Variants in STAT4 observed in about 807,000 individuals in gnomAD.
The protein encoded by STAT4 is signal transducer and activator of transcription 4.
Under a neutral mutation model 110.5 loss-of-function variants are expected in STAT4, and 42 were observed. The ratio of observed to expected loss-of-function variants is 0.38; its 90% confidence interval spans 0.30 to 0.49. STAT4 has a LOEUF of 0.49. Ranked by LOEUF, STAT4 falls within the 20% of genes least tolerant of loss-of-function variation. The pLI is 0.95. For missense variants in STAT4, 632 were observed against 887.9 expected, an observed-to-expected ratio of 0.71 and a Z score of 3.66; for synonymous variants, 284 against 302.2, an observed-to-expected ratio of 0.94 and a Z score of 0.63.
intron 3 of STAT4, among the ~76,000 whole-genome samples, chr2:191,080,987 C>T (rs1009848555): frequency 1.3e-5 from 2 of 152,140 alleles, no homozygotes; most frequent in Admixed American, 1.3e-4. Flanking sequence ...GCTATCCCTT[C>T]CCTAGCCCCC....
At chr2:191,034,062 T>A (rs1373571190) in intron 18 of STAT4, 57 bp from the exon 19 acceptor site, 4 of 1,212,294 alleles carry the variant, frequency 3.3e-6, no homozygotes, top group Non-Finnish European at 4.7e-6. Flanking sequence ...AATGTTGATA[T>A]AATAATTTAA....
chr2:191,136,837 GT>G (rs1699192016), intron 3 of STAT4, among the ~76,000 whole-genome samples: 3 of 152,074 alleles, frequency 2.0e-5, no homozygotes, highest in Middle Eastern at 3.2e-3. Flanking sequence ...AATCTCCTAG[GT>G]CTGATAAATA....
rs77263728 is a variant in STAT4 at position 191,138,952 on chromosome 2, G to A, written c.273+7661C>T. Among the ~76,000 whole-genome samples the A allele has an allele frequency of 4.2e-3, 638 of 152,004 alleles. 16 individuals carry two copies. The East Asian group carries it at 0.089, about 21-fold the overall frequency. ...GGAATACAGGGATAGTTTAACACAC[G>A]CAAAGTCAATAAATATGATACATTA... On this transcript the variant is annotated intron_variant, in intron 3 of 23. Transcript: ENST00000392320. This position sits in a 1 kb window ranked among gnomAD's most constrained non-coding sequence, Gnocchi z 4.3.
intron 14 of STAT4, among the ~76,000 whole-genome samples, chr2:191,052,595 T>A (rs1696560340): frequency 6.6e-6 from 1 of 152,220 alleles, no homozygotes; most frequent in Non-Finnish European, 1.5e-5. Context: ...TCATTTTACA[T>A]TCATAAAGAT....
In STAT4 at chr2:191,044,029, C is replaced by T. The variant is rs528267395; in HGVS notation, c.1252-2881G>A. Among the ~76,000 whole-genome samples, 126 of 28,808 alleles carry T rather than the reference C, an allele frequency of 4.4e-3. 2 individuals carry two copies. The highest frequency in any genetic ancestry group is 6.3e-3 in the Non-Finnish European group (97 of 15,368). The allele number at this position is 28,808 out of a possible 152,430, so 18.9% of individuals were successfully genotyped here. A position where few individuals can be genotyped will look rare whatever the true frequency, so the allele number is the denominator to read the frequency against. Reference sequence around the variant, plus strand: ...GTACAGAGAGGAAAAGGATTAAAGGCGGGGGTGGGGTGGGGGTACCAGGTG... The same window carrying T: ...GTACAGAGAGGAAAAGGATTAAAGGTGGGGGTGGGGTGGGGGTACCAGGTG... On this transcript the variant is annotated intron_variant, in intron 14 of 23. Transcript: ENST00000392320.
chr2:191,127,018 C>T (rs1001647887), intron 3 of STAT4, among the ~76,000 whole-genome samples: 8 of 151,766 alleles, frequency 5.3e-5, no homozygotes, highest in Non-Finnish European at 8.8e-5. Context: ...GATGGGGTCT[C>T]CTTATGTTGA....
rs1696120710 is a variant in STAT4, at chr2:191,039,135, GT to G, written c.1434+63del. 4 of 1,419,118 alleles carry G rather than the reference GT, an allele frequency of 2.8e-6. No homozygotes were observed. The highest frequency in any genetic ancestry group is 1.7e-4 in the Middle Eastern group (1 of 5,754). 87.9% of individuals were successfully genotyped at this position (1,419,118 alleles called of 1,614,324 possible). A position where few individuals can be genotyped will look rare whatever the true frequency, so the allele number is the denominator to read the frequency against. On this transcript the variant is annotated intron_variant, in intron 16 of 23. Transcript: ENST00000392320. This position sits in a 1 kb window ranked among gnomAD's most constrained non-coding sequence, Gnocchi z 4.7. ...GGCACACACATGTTTTGATGCAGAT[GT>G]GTTTGTTGGCAATAAAACAAATCGA...
intron 3 of STAT4, among the ~76,000 whole-genome samples, chr2:191,132,118 G>A (rs1009816447): frequency 6.6e-6 from 1 of 151,660 alleles, no homozygotes; most frequent in Non-Finnish European, 1.5e-5. Flanking sequence ...TTCACTATAA[G>A]CAGAGCTTAT....
chr2:191,033,533 A>G lies in STAT4; in HGVS notation c.1809T>C (p.His603=), dbSNP rs1159341625. 49 of 1,614,162 alleles carry G rather than the reference A, an allele frequency of 3.0e-5. No individual in the cohort carries two copies. Among genetic ancestry groups the G allele is most frequent in the Non-Finnish European group, 4.1e-5 (48 of 1,180,010 alleles). Residue 603 remains histidine (H), a synonymous_variant, in exon 20 of 24, where the codon CAT becomes CAC. Transcript: ENST00000392320. This position sits in a 1 kb window ranked among gnomAD's most constrained non-coding sequence, Gnocchi z 6.9. The part of the protein sequence containing the change: ...GTFLLRFSES[H]LGGITFTWVD... Reference sequence around the variant, plus strand: ...CCCAGGTGAAAGTTATTCCTCCGAGATGGCTTTCACTGAATCTTAATAAAA... The same window carrying G: ...CCCAGGTGAAAGTTATTCCTCCGAGGTGGCTTTCACTGAATCTTAATAAAA...
chr2:191,108,836 C>T (rs1047782470), intron 3 of STAT4, among the ~76,000 whole-genome samples: 4 of 152,194 alleles, frequency 2.6e-5, no homozygotes, highest in African/African-American at 7.2e-5. Flanking sequence ...ACACTGTGTA[C>T]ATGCCCTTCA....
chr2:191,081,979 A>G (rs1697495499), intron 3 of STAT4, among the ~76,000 whole-genome samples: 1 of 152,180 alleles, frequency 6.6e-6, no homozygotes, highest in Non-Finnish European at 1.5e-5. Flanking sequence ...TTTCTGATAA[A>G]TTGATGTTGT....
In STAT4 at chr2:191,046,189, A is replaced by G. The variant is rs887891256; in HGVS notation, c.1252-5041T>C. ...AGAGGCCTCAGGCAAGTGCACAGAT[A>G]GAGACCCAATACTGTATATAAAACA... On this transcript the variant is annotated intron_variant, in intron 14 of 23. Coordinates refer to ENST00000392320, the MANE Select transcript of STAT4 (RefSeq NM_003151.4). The surrounding 1 kb of genome is among the most constrained non-coding windows in gnomAD (Gnocchi z 4.6). 2.0e-5 allele frequency among the ~76,000 whole-genome samples: 3 copies of G among 152,242 alleles called. No homozygotes were observed. The highest frequency in any genetic ancestry group is 4.4e-5 in the Non-Finnish European group (3 of 68,046).
chr2:191,124,653 C>T (rs987796058), intron 3 of STAT4, among the ~76,000 whole-genome samples: 2 of 152,142 alleles, frequency 1.3e-5, no homozygotes, highest in Non-Finnish European at 2.9e-5. Flanking sequence ...TTATCAAACT[C>T]ATCTTGTTGT....
chr2:191,069,163 A>G (rs1470723407), intron 6 of STAT4, among the ~76,000 whole-genome samples: 1 of 151,990 alleles, frequency 6.6e-6, no homozygotes, highest in Non-Finnish European at 1.5e-5. Flanking sequence ...CTGGAAGGAA[A>G]TATATTTTGA....
In STAT4 at chr2:191,142,928, C is replaced by T. The variant is rs1026489349; in HGVS notation, c.273+3685G>A. Among the ~76,000 whole-genome samples, 1 of 152,190 alleles carries T rather than the reference C, an allele frequency of 6.6e-6. No homozygotes were observed. On this transcript the variant is annotated intron_variant, in intron 3 of 23. Coordinates refer to ENST00000392320, the MANE Select transcript of STAT4 (RefSeq NM_003151.4). This position sits in a 1 kb window ranked among gnomAD's most constrained non-coding sequence, Gnocchi z 4.1. ...TATGACATTATGCATTGTCAAAACC[C>T]ATAAAATTATACAACACAAGGAGTG...
intron 3 of STAT4, among the ~76,000 whole-genome samples, chr2:191,089,904 A>G (rs1697743976): frequency 6.6e-6 from 1 of 152,196 alleles, no homozygotes; most frequent in Non-Finnish European, 1.5e-5. Flanking sequence ...TAGAAGAAAG[A>G]GAGGGAGTGG....
chr2:191,100,342 G>A (rs369967601), intron 3 of STAT4, among the ~76,000 whole-genome samples: 5 of 152,260 alleles, frequency 3.3e-5, no homozygotes, highest in Admixed American at 6.5e-5. Flanking sequence ...ATAGGTTAGC[G>A]CCTAAATGAC....
intron 6 of STAT4, among the ~76,000 whole-genome samples, chr2:191,067,060 T>C (rs1361152346): frequency 1.2e-4 from 17 of 138,812 alleles, no homozygotes; most frequent in Non-Finnish European, 1.6e-5. Flanking sequence ...CTTTTTTTTC[T>C]TTTTTTTTTT....
intron 3 of STAT4, among the ~76,000 whole-genome samples, chr2:191,085,442 T>C (rs1393790002): frequency 1.3e-5 from 2 of 151,380 alleles, no homozygotes; most frequent in Non-Finnish European, 2.9e-5. Context: ...TTATATTATA[T>C]TTATATTAAT....
Sources: gnomAD v4.1 joint callset for allele counts (sites outside exome capture counted in the v4.1 genomes callset) on GRCh38, gnomAD v4.1.1 for gene constraint, Gnocchi (gnomAD v3.1) non-coding constraint, MANE v1.5 for transcripts, NCBI Gene and HGNC (gene_info 2026-07-23, HGNC 2026-07-21) for gene names.